Variants in CSMD1 observed in about 807,000 individuals in gnomAD.
CSMD1 encodes CUB and sushi domain-containing protein 1.
CSMD1 carries 213 observed loss-of-function variants against 417.5 expected under a neutral mutation model. The ratio of observed to expected loss-of-function variants is 0.51; its 90% confidence interval spans 0.46 to 0.57. The LOEUF (loss-of-function observed/expected upper bound fraction) is 0.57, where lower values mean the gene tolerates loss of function less well. Ranked by LOEUF, CSMD1 falls within the 20% of genes least tolerant of loss-of-function variation. CSMD1 has a pLI of 0.00. For missense variants in CSMD1, 6,923 were observed against 4,529.7 expected (o/e 1.53, Z -15.17); for synonymous variants, 2,862 against 1,736.8 (o/e 1.65, Z -16.11).
chr8:3,106,678 G>C (rs769075992), intron 45 of CSMD1, 37 bp from the exon 46 acceptor site: 44 of 1,323,138 alleles, frequency 3.3e-5, no homozygotes, highest in Non-Finnish European at 4.5e-5. Context: ...GAAATTGTGT[G>C]TGACCTTCTG....
At position 2,937,623 on chromosome 8, in the gene CSMD1, C is replaced by T. The variant is rs1801583243; in HGVS notation, c.*962G>A. 6.6e-6 allele frequency: 1 copy of T among 152,124 alleles called. No homozygotes were observed. The highest frequency in any genetic ancestry group is 2.4e-5 in the African/African-American group (1 of 41,414). The allele number at this position is 152,124 out of a possible 1,614,324, so 9.4% of individuals were successfully genotyped here. A position where few individuals can be genotyped will look rare whatever the true frequency, so the allele number is the denominator to read the frequency against. On this transcript the variant is annotated 3_prime_UTR_variant, in exon 70 of 70. Transcript: ENST00000635120. ...AGACAGTAATTGGATGAGGATGGTA[C>T]TAAAGGAGGAAAACGTGTGAAATAA...
At chr8:4,042,218 A>G (rs934870874) in intron 3 of CSMD1, among the ~76,000 whole-genome samples, 3 of 152,222 alleles carry the variant, frequency 2.0e-5, no homozygotes, top group Admixed American at 6.5e-5. Context: ...GAAGAGCACC[A>G]TATCACACAT....
At chr8:2,989,589 A>G (rs553648090) in intron 54 of CSMD1, among the ~76,000 whole-genome samples, 1 of 152,260 alleles carries the variant, frequency 6.6e-6, no homozygotes, top group Non-Finnish European at 1.5e-5. Flanking sequence ...TGAAGAGTTT[A>G]AAATGCATCA....
At chr8:4,967,719 C>T (rs866241130) in intron 1 of CSMD1, among the ~76,000 whole-genome samples, 1 of 152,116 alleles carries the variant, frequency 6.6e-6, no homozygotes, top group Non-Finnish European at 1.5e-5. Context: ...GTGTGTGTGT[C>T]GTTCACATAG....
In CSMD1 at chr8:4,411,651, A is replaced by G. The variant is rs542043630; in HGVS notation, c.415+8302T>C. Among the ~76,000 whole-genome samples, 6 of 152,150 alleles carry G rather than the reference A, an allele frequency of 3.9e-5. No homozygotes were observed. In the South Asian group the frequency reaches 1.2e-3, roughly 32 times the overall value. On this transcript the variant is annotated intron_variant, in intron 3 of 69. Transcript: ENST00000635120. Reference sequence around the variant, plus strand: ...GCTCATTCCATTCTTCTCAAACCTAATTTATTTTCACAATTCACATTTTCT... The same window carrying G: ...GCTCATTCCATTCTTCTCAAACCTAGTTTATTTTCACAATTCACATTTTCT...
chr8:4,923,081 A>T (rs1456412989), intron 1 of CSMD1, among the ~76,000 whole-genome samples: 1 of 152,228 alleles, frequency 6.6e-6, no homozygotes, highest in Non-Finnish European at 1.5e-5. Flanking sequence ...ACAATCTTAA[A>T]AAATGATTTG....
At chr8:3,164,864 ATG>A (rs2129041386) in intron 37 of CSMD1, among the ~76,000 whole-genome samples, 1 of 152,252 alleles carries the variant, frequency 6.6e-6, no homozygotes, top group East Asian at 1.9e-4. Context: ...ATAAGATATG[ATG>A]TGTTTTTATT....
chr8:3,900,210 G>A (rs566992692), intron 5 of CSMD1, among the ~76,000 whole-genome samples: 4 of 151,906 alleles, frequency 2.6e-5, no homozygotes, highest in Non-Finnish European at 5.9e-5. Flanking sequence ...GGGTGACAGT[G>A]GAGCTGGGTG....
At chr8:4,179,028 A>T (rs958186767) in intron 3 of CSMD1, among the ~76,000 whole-genome samples, 4 of 152,190 alleles carry the variant, frequency 2.6e-5, no homozygotes, top group African/African-American at 4.8e-5. Flanking sequence ...ATTCAATGCC[A>T]TCCCCATCAA....
chr8:4,035,333 G>A lies in CSMD1; in HGVS notation c.416-3234C>T, dbSNP rs117469546. ...ATGATAATAGTGAACAACTGTCACT[G>A]GTTTTTCTACTTACTATACTATACT... is the stretch of plus-strand genomic sequence containing the variant. On this transcript the variant is annotated intron_variant, in intron 3 of 69. Coordinates refer to ENST00000635120, the MANE Select transcript of CSMD1 (RefSeq NM_033225.6). Among the ~76,000 whole-genome samples the A allele has an allele frequency of 2.1e-3, 319 of 152,206 alleles. 1 individual carries two copies. The highest frequency in any genetic ancestry group is 3.4e-3 in the Middle Eastern group (1 of 294).
At chr8:4,472,640 T>G (rs920186687) in intron 2 of CSMD1, among the ~76,000 whole-genome samples, 2 of 152,010 alleles carry the variant, frequency 1.3e-5, no homozygotes, top group African/African-American at 4.8e-5. Context: ...GAAAAATAAT[T>G]TTAAACAAAT....
In CSMD1 at chr8:3,669,928, G is replaced by C. The variant is rs180978796; in HGVS notation, c.1009+38486C>G. ...AACATTTGAGGAAATGAAGATGTTT[G>C]AGACTTTAAATAACACACCCAAGGA... On this transcript the variant is annotated intron_variant, in intron 7 of 69. Transcript: ENST00000635120. Among the ~76,000 whole-genome samples, 418 of 152,258 alleles carry C rather than the reference G, an allele frequency of 2.7e-3. 6 individuals are homozygous for C. The highest frequency in any genetic ancestry group is 0.021 in the Admixed American group (315 of 15,288).
At chr8:4,443,666 G>A (rs925239021) in intron 2 of CSMD1, among the ~76,000 whole-genome samples, 2 of 152,184 alleles carry the variant, frequency 1.3e-5, no homozygotes, top group Non-Finnish European at 2.9e-5. Context: ...TAAAGAAATA[G>A]CATTTATACC....
chr8:4,091,531 G>A (rs1009536817), intron 3 of CSMD1, among the ~76,000 whole-genome samples: 2 of 152,124 alleles, frequency 1.3e-5, no homozygotes, highest in East Asian at 1.9e-4. Flanking sequence ...TGTTAAAGCT[G>A]GCACTCAGCA....
chr8:3,053,835 C>G (rs538675773), intron 49 of CSMD1, among the ~76,000 whole-genome samples: 92 of 152,222 alleles, frequency 6.0e-4, no homozygotes, highest in African/African-American at 2.2e-3. Context: ...AAGAAAAGTT[C>G]TATGGTAACT....
Position 3,752,713 on chromosome 8 carries a change from G to C in CSMD1, c.931+1217C>G, listed in dbSNP as rs1040829919. On this transcript the variant is annotated intron_variant, in intron 6 of 69. Coordinates refer to ENST00000635120, the MANE Select transcript of CSMD1 (RefSeq NM_033225.6). ...AAAAAAAAAAAAAAAAACATATTTTGTTGAAACGAATTTGCCCCTGGATTC... is the reference window on the plus strand; with the variant it reads ...AAAAAAAAAAAAAAAAACATATTTTCTTGAAACGAATTTGCCCCTGGATTC... Among the ~76,000 whole-genome samples the C allele has an allele frequency of 5.0e-5, 6 of 120,218 alleles. 1 individual carries two copies. The highest frequency in any genetic ancestry group is 1.9e-4 in the African/African-American group (6 of 30,858). The allele number at this position is 120,218 out of a possible 152,430, so 78.9% of individuals were successfully genotyped here.
intron 25 of CSMD1, among the ~76,000 whole-genome samples, chr8:3,306,681 G>GA (rs574897495): frequency 1.3e-5 from 2 of 152,046 alleles, no homozygotes; most frequent in Non-Finnish European, 2.9e-5. Context: ...TTAATTGAAG[G>GA]AAAAATACAT....
chr8:4,755,336 TG>T (rs2117068446), intron 1 of CSMD1, among the ~76,000 whole-genome samples: 1 of 152,338 alleles, frequency 6.6e-6, no homozygotes, highest in African/African-American at 2.4e-5. Flanking sequence ...CTTTTCCTTT[TG>T]GGATATTATC....
chr8:4,108,009 C>G lies in CSMD1; in HGVS notation c.416-75910G>C, dbSNP rs78373767. On this transcript the variant is annotated intron_variant, in intron 3 of 69. Coordinates refer to ENST00000635120, the MANE Select transcript of CSMD1 (RefSeq NM_033225.6). ...AGAGAAGTAGAAAGTAAGGGAAAGACAGAAAGACTGCAGGGGAGAGAGAGA... is the reference window on the plus strand; with the variant it reads ...AGAGAAGTAGAAAGTAAGGGAAAGAGAGAAAGACTGCAGGGGAGAGAGAGA... 2.2e-4 allele frequency among the ~76,000 whole-genome samples: 33 copies of G among 150,990 alleles called. 1 individual carries two copies. In the East Asian group the frequency reaches 6.5e-3, roughly 30 times the overall value.
Sources: allele counts gnomAD v4.1 joint callset (sites outside exome capture counted in the v4.1 genomes callset), GRCh38; gene constraint gnomAD v4.1.1; transcripts MANE v1.5; gene names NCBI Gene and HGNC (gene_info 2026-07-23, HGNC 2026-07-21).